The following AMOT variants were observed in gnomAD, a reference collection of about 807,000 sequenced individuals.
AMOT encodes angiomotin.
AMOT carries 11 observed loss-of-function variants against 67.0 expected under a neutral mutation model. The ratio of observed to expected loss-of-function variants is 0.16; its 90% CI spans 0.10 to 0.27. The LOEUF is 0.27. AMOT is among the 10% of genes least tolerant of loss of function. The pLI, the probability that AMOT is intolerant of heterozygous loss-of-function variation, is 1.00. For synonymous variants in AMOT, 326 were observed against 321.4 expected, an observed-to-expected ratio of 1.01 and a Z score of -0.15; for missense variants, 753 against 852.0, an observed-to-expected ratio of 0.88 and a Z score of 1.45.
At chrX:112,812,310 G>A (rs761946383) in intron 5 of AMOT, among the ~76,000 whole-genome samples, 11 of 111,882 alleles carry the variant, frequency 9.8e-5, no homozygotes, top group Admixed American at 1.9e-4. Context: ...TGTGGGGTAC[G>A]CAGAGGGAAC....
At chrX:112,806,331 C>CATAT (rs1188204348) in intron 7 of AMOT, among the ~76,000 whole-genome samples, 1 of 98,334 alleles carries the variant, frequency 1.0e-5, no homozygotes, top group African/African-American at 3.9e-5. Flanking sequence ...ACGTTTTATA[C>CATAT]ATATGTATAT....
At chrX:112,791,725 G>A in intron 9 of AMOT, 107 bp downstream of exon 9, 1 of 1,003,300 alleles carries the variant, frequency 1.0e-6, no homozygotes, top group African/African-American at 1.9e-5. Context: ...AAATGAGCAA[G>A]TGTGTGCTTT....
intron 8 of AMOT, among the ~76,000 whole-genome samples, chrX:112,793,647 A>G (rs1237559541): frequency 2.7e-5 from 3 of 112,417 alleles, no homozygotes; most frequent in African/African-American, 9.7e-5. Context: ...CTGGCAAACA[A>G]AACCTTTTTC....
In AMOT at chrX:112,838,185, CAA is replaced by C. The variant is rs201920454; in HGVS notation, c.-289+2265_-289+2266del. Among the ~76,000 whole-genome samples, 469 of 111,693 alleles carry C rather than the reference CAA, an allele frequency of 4.2e-3. 4 individuals carry two copies. Among genetic ancestry groups the C allele is most frequent in the African/African-American group, 0.014 (445 of 30,727 alleles). On this transcript the variant is annotated intron_variant, in intron 1 of 13. Transcript: ENST00000371959. Reference sequence around the variant, plus strand: ...CTCCACCCCCACGCCCCAAACAAAACAAAACAACTTCTAACCATCCTGAGAAC... The same window carrying C: ...CTCCACCCCCACGCCCCAAACAAAACAACAACTTCTAACCATCCTGAGAAC...
chrX:112,826,380 C>CT (rs1281129752), intron 2 of AMOT, among the ~76,000 whole-genome samples: 2 of 112,585 alleles, frequency 1.8e-5, no homozygotes, highest in Non-Finnish European at 3.8e-5. Flanking sequence ...ACATTATTTC[C>CT]TTGCAATGTT....
Position 112,779,484 on chromosome X carries a change from G to A in AMOT, c.2670C>T (p.Ala890=), listed in dbSNP as rs760764282. 40 of 1,204,353 alleles carry A rather than the reference G, an allele frequency of 3.3e-5. No individual in the cohort carries two copies. The East Asian group carries it at 1.1e-3, about 32-fold the overall frequency. ...PISVPAPVAA[A]ATAAAITATA... is the part of the protein sequence containing the mutation. ...TGGCAGTGATGGCGGCAGCAGTGGCGGCAGCAGCAACTGGAGCAGGAACAG... is the reference window on the plus strand; with the variant it reads ...TGGCAGTGATGGCGGCAGCAGTGGCAGCAGCAGCAACTGGAGCAGGAACAG... The change falls in exon 13 of 14, where the codon GCC becomes GCT. Residue 890 remains alanine, a synonymous_variant. Transcript: ENST00000371959.
intron 8 of AMOT, among the ~76,000 whole-genome samples, chrX:112,795,248 C>CTCTGTGTG (rs1556198664): frequency 1.1e-4 from 11 of 104,216 alleles, no homozygotes; most frequent in Admixed American, 2.0e-4. Flanking sequence ...GTCTCTCTCT[C>CTCTGTGTG]TGTGTGTGTG....
rs145617375 is a variant in AMOT, at chrX:112,811,348, C to G, written c.1438G>C (p.Val480Leu). 13 of 1,207,966 alleles carry G rather than the reference C, an allele frequency of 1.1e-5. No individual in the cohort carries two copies. The African/African-American group carries it at 1.8e-4, about 16-fold the overall frequency. ...QRVSEAYENL[V>L]KSSSKREALE... ...GCCTCTCTTTTGGAGGATGACTTCA[C>G]GAGGTTCTCATATGCCTCCGAGACG... is the stretch of plus-strand genomic sequence containing the variant. The change falls in exon 6 of 14, where the codon GTG (valine) becomes CTG (leucine). Residue 480 changes from valine (V) to leucine (L), a missense_variant. Transcript: ENST00000371959.
chrX:112,782,434 T>C (rs771283372), intron 11 of AMOT, 106 bp downstream of exon 11: 4 of 1,066,027 alleles, frequency 3.8e-6, no homozygotes, highest in Admixed American at 4.5e-5. Context: ...GGGGTGATGG[T>C]GGAGCGGGGA....
At chrX:112,804,916 C>CCCCCCGCAAA in intron 8 of AMOT, 31 bp downstream of exon 8, 1 of 1,190,642 alleles carries the variant, frequency 8.4e-7, no homozygotes, top group Non-Finnish European at 1.1e-6. Flanking sequence ...CTCCCACCCC[C>CCCCCCGCAAA]AGGCTCATAT....
At chrX:112,823,306 G>T in intron 3 of AMOT, 118 bp from the exon 4 acceptor site, 1 of 465,779 alleles carries the variant, frequency 2.1e-6, no homozygotes, top group Non-Finnish European at 3.6e-6. Flanking sequence ...GTAGAGAATT[G>T]ACTCTAAAAT....
At position 112,780,903 on chromosome X, in the gene AMOT, C is replaced by T; in HGVS notation, c.2456G>A (p.Ser819Asn). Residue 819 changes from serine (S) to asparagine (N), a missense_variant, in exon 12 of 14, where the codon AGC (serine) becomes AAC (asparagine). Physicochemically the swap from Ser to Asn is conservative, Grantham distance 46. Coordinates refer to ENST00000371959, the MANE Select transcript of AMOT (RefSeq NM_001113490.2). ...GTCATTACCTAGGCTCCCCTTCCAG[C>T]TCTTGTCGTCTCGCTTTTCTTCCAT... Reference protein sequence around the residue: ...PIMEEKRDDKSWKGSLGILLG... With the variant: ...PIMEEKRDDKNWKGSLGILLG... 1 of 1,211,405 alleles carries T rather than the reference C, an allele frequency of 8.3e-7. No individual in the cohort carries two copies.
intron 2 of AMOT, among the ~76,000 whole-genome samples, chrX:112,830,191 TA>T (rs1227901277): frequency 8.9e-6 from 1 of 112,240 alleles, no homozygotes; most frequent in Non-Finnish European, 1.9e-5. Context: ...TTAGTTTTCC[TA>T]TGTGTATTTG....
chrX:112,828,744 G>A (rs1304358340), intron 2 of AMOT, among the ~76,000 whole-genome samples: 1 of 111,279 alleles, frequency 9.0e-6, no homozygotes, highest in Non-Finnish European at 1.9e-5. Context: ...TTTTTATAAC[G>A]CCTAGGGCAA....
At chrX:112,833,673 G>A (rs1400230544) in intron 1 of AMOT, among the ~76,000 whole-genome samples, 5 of 111,813 alleles carry the variant, frequency 4.5e-5, no homozygotes, top group Non-Finnish European at 9.4e-5. Context: ...TAATTCATAC[G>A]GGAAATTCAA....
At chrX:112,782,519 G>A in intron 11 of AMOT, 21 bp downstream of exon 11, 6 of 1,210,798 alleles carry the variant, frequency 5.0e-6, no homozygotes, top group Non-Finnish European at 4.5e-6. Flanking sequence ...AGATTCCTCA[G>A]GGTCCAGAAC....
At position 112,779,376 on chromosome X, in the gene AMOT, G is replaced by A. The variant is rs2147774208; in HGVS notation, c.2778C>T (p.Ala926=). 9.9e-7 allele frequency: 1 copy of A among 1,008,115 alleles called. No individual in the cohort carries two copies. The highest frequency in any genetic ancestry group is 3.3e-5 in the East Asian group (1 of 30,133). 83.1% of individuals were successfully genotyped at this position (1,008,115 alleles called of 1,213,427 possible). ...TAGCAGCGGCAGTGGCTGGAGACGG[G>A]GCAGCAGCAGCAGCTGGAGCAGCAG... ...AAAAAPAAAA[A]PSPATAAATA... The change falls in exon 13 of 14, where the codon GCC becomes GCT. Residue 926 remains alanine (A), a synonymous_variant. Coordinates refer to ENST00000371959, the MANE Select transcript of AMOT (RefSeq NM_001113490.2).
chrX:112,784,201 T>C (rs934233780), intron 10 of AMOT, among the ~76,000 whole-genome samples: 1 of 111,986 alleles, frequency 8.9e-6, no homozygotes, highest in African/African-American at 3.3e-5. Context: ...TCCTACTGGG[T>C]ACCCAAGAAG....
chrX:112,826,927 G>A (rs1216316251), intron 2 of AMOT, among the ~76,000 whole-genome samples: 1 of 111,352 alleles, frequency 9.0e-6, no homozygotes, highest in East Asian at 2.8e-4. Flanking sequence ...GTGGGATCTC[G>A]GCTCACTGCA....
Sources: allele counts gnomAD v4.1 joint callset (sites outside exome capture counted in the v4.1 genomes callset), GRCh38; gene constraint gnomAD v4.1.1; transcripts MANE v1.5; gene names NCBI Gene and HGNC (gene_info 2026-07-23, HGNC 2026-07-21).